GAA: variants seen among roughly 807,000 people sequenced by gnomAD.
The protein encoded by GAA is alpha glucosidase.
Under a neutral mutation model 103.9 loss-of-function variants are expected in GAA, and 88 were observed. The ratio of observed to expected loss-of-function variants is 0.85; its 90% CI spans 0.71 to 1.01. The LOEUF is 1.01. GAA is among the 50% of genes least tolerant of loss of function. The probability of loss-of-function intolerance (pLI) is 0.00; values close to 1 mark genes in which losing one functional copy is unlikely to be tolerated. For missense variants in GAA, 1,350 were observed against 1,305.3 expected (o/e 1.03, Z -0.53); for synonymous variants, 572 against 563.1 (o/e 1.02, Z -0.22).
intron 3 of GAA, among the ~76,000 whole-genome samples, chr17:80,106,519 G>A (rs1406975388): frequency 6.6e-6 from 1 of 152,072 alleles, no homozygotes; most frequent in Non-Finnish European, 1.5e-5. Flanking sequence ...TGCAGGAGTG[G>A]GGGGTGGGGA....
chr17:80,119,337 C>T lies in GAA; in HGVS notation c.*6C>T, dbSNP rs761918204. The T allele has an allele frequency of 6.2e-6, 10 of 1,612,784 alleles. No homozygotes were observed. Among genetic ancestry groups the T allele is most frequent in the Admixed American group, 1.7e-5 (1 of 59,986 alleles). On this transcript the variant is annotated 3_prime_UTR_variant, in exon 20 of 20. Transcript: ENST00000302262. ...TTCTCGTCAGCTGGTGTTAGCCGGG[C>T]GGAGTGTGTTAGTCTCTCCAGAGGG...
intron 15 of GAA, among the ~76,000 whole-genome samples, chr17:80,114,420 CT>C (rs11358043): frequency 0.11 from 15,702 of 137,052 alleles, 1,183 homozygotes; most frequent in East Asian, 0.31. Context: ...TGTCACTACA[CT>C]TTTTTTTTTT....
intron 11 of GAA, chr17:80,111,777 G>A (rs1021104441): frequency 2.0e-5 from 12 of 591,366 alleles, no homozygotes; most frequent in Non-Finnish European, 3.6e-5. Context: ...GCCCAGCCCT[G>A]TCTTAGAAGC....
intron 7 of GAA, 39 bp downstream of exon 7, chr17:80,108,646 C>T (rs778791685): frequency 1.1e-5 from 18 of 1,612,304 alleles, no homozygotes; most frequent in South Asian, 6.6e-5. Flanking sequence ...AGGGGCTGGC[C>T]GGGACGCGTC....
In GAA at chr17:80,113,255, A is replaced by G. The variant is rs779338215; in HGVS notation, c.2078A>G (p.Gln693Arg). 7.5e-6 allele frequency: 12 copies of G among 1,601,770 alleles called. No individual in the cohort carries two copies. In the East Asian group the frequency reaches 2.7e-4, roughly 36 times the overall value. The change falls in exon 15 of 20, where the codon CAG (glutamine) becomes CGG (arginine). Residue 693 changes from glutamine (Q) to arginine (R), a missense_variant. Coordinates refer to ENST00000302262, the MANE Select transcript of GAA (RefSeq NM_000152.5). ...EPYSFSEPAQQAMRKALTLRY... is the reference protein window; with the variant it reads ...EPYSFSEPAQRAMRKALTLRY... The stretch of plus-strand genomic sequence containing the variant: ...TACAGCTTCAGCGAGCCGGCCCAGC[A>G]GGCCATGAGGAAGGCCCTCACCCTG...
intron 15 of GAA, among the ~76,000 whole-genome samples, chr17:80,116,424 C>T (rs1435537837): frequency 2.0e-5 from 3 of 152,214 alleles, no homozygotes; most frequent in Non-Finnish European, 4.4e-5. Flanking sequence ...ACTGGATGCC[C>T]CCTGCACGTC....
At position 80,119,254 on chromosome 17, in the gene GAA, G is replaced by C; in HGVS notation, c.2800-18G>C. The C allele has an allele frequency of 6.2e-7, 1 of 1,613,490 alleles. No individual in the cohort carries two copies. The highest frequency in any genetic ancestry group is 2.2e-5 in the East Asian group (1 of 44,872). ...GCTGGGATCTCGGGCTGCTCCATTTGTGCTCTCTCTTTTCCAGGTCCTGGA... is the reference window on the plus strand; with the variant it reads ...GCTGGGATCTCGGGCTGCTCCATTTCTGCTCTCTCTTTTCCAGGTCCTGGA... On this transcript the variant is annotated intron_variant, in intron 19 of 19. Coordinates refer to ENST00000302262, the MANE Select transcript of GAA (RefSeq NM_000152.5).
rs962388095 is a variant in GAA, at chr17:80,112,267, G to A, written c.1754+167G>A. Reference sequence around the variant, plus strand: ...CCCGCTGCCTGCACCCCAGCCTGAAGCTGGAGCGCTCCTTCCCACTTCATG... The same window carrying A: ...CCCGCTGCCTGCACCCCAGCCTGAAACTGGAGCGCTCCTTCCCACTTCATG... On this transcript the variant is annotated intron_variant, in intron 12 of 19. Transcript: ENST00000302262. 5.2e-5 allele frequency: 37 copies of A among 715,722 alleles called. No homozygotes were observed. In the African/African-American group the frequency reaches 5.6e-4, roughly 11 times the overall value. The allele number at this position is 715,722 out of a possible 1,614,324, so 44.3% of individuals were successfully genotyped here. A position where few individuals can be genotyped will look rare whatever the true frequency, so the allele number is the denominator to read the frequency against.
In GAA at chr17:80,101,848, C is replaced by T. The variant is rs80020206; in HGVS notation, c.-75C>T. On this transcript the variant is annotated 5_prime_UTR_variant, in exon 1 of 20. Coordinates refer to ENST00000302262, the MANE Select transcript of GAA (RefSeq NM_000152.5). ...CGCCCGTTGTTCAGCGAGGGAGGCT[C>T]TGCGCGTGCCGCAGCTGACGGGGAA... 6.6e-6 allele frequency: 1 copy of T among 152,296 alleles called. No individual in the cohort carries two copies. The highest frequency in any genetic ancestry group is 2.4e-5 in the African/African-American group (1 of 41,442). The allele number at this position is 152,296 out of a possible 1,614,324, so 9.4% of individuals were successfully genotyped here. A position where few individuals can be genotyped will look rare whatever the true frequency, so the allele number is the denominator to read the frequency against.
intron 1 of GAA, among the ~76,000 whole-genome samples, chr17:80,103,742 G>C (rs1357463251): frequency 3.9e-5 from 6 of 152,176 alleles, no homozygotes; most frequent in Admixed American, 2.0e-4. Flanking sequence ...GGGGCCGGGA[G>C]GGGTTCTGAT....
rs565772949 is a variant in GAA at position 80,103,286 on chromosome 17, A to G, written c.-32-1269A>G. 2.4e-3 allele frequency among the ~76,000 whole-genome samples: 371 copies of G among 152,304 alleles called. 3 individuals carry two copies. Among genetic ancestry groups the G allele is most frequent in the African/African-American group, 8.5e-3 (353 of 41,558 alleles). Reference sequence around the variant, plus strand: ...GCCTCTGCTCCAAGGCCCGTTCCTCAGAGACGCAGACCCCTCTGATGGCTG... The same window carrying G: ...GCCTCTGCTCCAAGGCCCGTTCCTCGGAGACGCAGACCCCTCTGATGGCTG... On this transcript the variant is annotated intron_variant, in intron 1 of 19. Coordinates refer to ENST00000302262, the MANE Select transcript of GAA (RefSeq NM_000152.5).
In GAA at chr17:80,119,254, G is replaced by T. The variant is rs758087749; in HGVS notation, c.2800-18G>T. 1 of 1,613,490 alleles carries T rather than the reference G, an allele frequency of 6.2e-7. No homozygotes were observed. ...GCTGGGATCTCGGGCTGCTCCATTT[G>T]TGCTCTCTCTTTTCCAGGTCCTGGA... On this transcript the variant is annotated intron_variant, in intron 19 of 19. Transcript: ENST00000302262.
intron 3 of GAA, 124 bp downstream of exon 3, chr17:80,106,018 C>T (rs1293462015): frequency 9.7e-6 from 13 of 1,339,144 alleles, no homozygotes; most frequent in Middle Eastern, 2.7e-4. Context: ...GTTTCTCACA[C>T]GGCGGGGAGG....
In GAA at chr17:80,118,368, G is replaced by A. The variant is rs1219786295; in HGVS notation, c.2646+11G>A. Reference sequence around the variant, plus strand: ...TTCCTGGCCAGGAATGTGAGTCCTGGGGCTGCTCAGGCTGGTGGGCAGGGG... The same window carrying A: ...TTCCTGGCCAGGAATGTGAGTCCTGAGGCTGCTCAGGCTGGTGGGCAGGGG... On this transcript the variant is annotated intron_variant, in intron 18 of 19. Transcript: ENST00000302262. 5.8e-6 allele frequency: 9 copies of A among 1,560,856 alleles called. No individual in the cohort carries two copies. Among genetic ancestry groups the A allele is most frequent in the East Asian group, 4.5e-5 (2 of 44,426 alleles).
intron 19 of GAA, 76 bp downstream of exon 19, chr17:80,118,881 G>C (rs2039421008): frequency 2.6e-6 from 4 of 1,543,840 alleles, no homozygotes; most frequent in Non-Finnish European, 3.5e-6. Flanking sequence ...TGGGCGTCCT[G>C]GTGACCGATG....
rs1037679793 is a variant in GAA at position 80,107,885 on chromosome 17, G to C, written c.944G>C (p.Ser315Thr). ...GSAHGVFLLN[S>T]NAMDVVLQPS... is the part of the protein sequence containing the mutation. ...GCACACGGGGTGTTCCTGCTAAACA[G>C]CAATGCCATGGGTAAGCTGCCCGCC... The change falls in exon 5 of 20, where the codon AGC (serine) becomes ACC (threonine). Residue 315 changes from serine (S) to threonine (T), a missense_variant. Physicochemically the swap from Ser to Thr is moderately conservative, Grantham distance 58. Coordinates refer to ENST00000302262, the MANE Select transcript of GAA (RefSeq NM_000152.5). 6.2e-7 allele frequency: 1 copy of C among 1,610,428 alleles called. No homozygotes were observed. Among genetic ancestry groups the C allele is most frequent in the South Asian group, 1.1e-5 (1 of 90,798 alleles).
chr17:80,104,061 C>G lies in GAA; in HGVS notation c.-32-494C>G, dbSNP rs140325572. 0.02 allele frequency among the ~76,000 whole-genome samples: 2,983 copies of G among 152,208 alleles called. 100 individuals carry two copies. The highest frequency in any genetic ancestry group is 0.068 in the African/African-American group (2,831 of 41,514). Reference sequence around the variant, plus strand: ...GGTGGATCACTTGAGCTCAGGAGTTCGAGACCAGCCTGGGTAACATGGCAA... The same window carrying G: ...GGTGGATCACTTGAGCTCAGGAGTTGGAGACCAGCCTGGGTAACATGGCAA... On this transcript the variant is annotated intron_variant, in intron 1 of 19. Coordinates refer to ENST00000302262, the MANE Select transcript of GAA (RefSeq NM_000152.5). This position sits in a 1 kb window ranked among gnomAD's most constrained non-coding sequence, Gnocchi z 4.0.
intron 1 of GAA, chr17:80,102,553 C>G (rs1319220923): frequency 1.3e-5 from 2 of 152,170 alleles, no homozygotes; most frequent in Non-Finnish European, 2.9e-5. Flanking sequence ...AATGGAACCC[C>G]GTAAGAAACC....
chr17:80,112,137 C>T, intron 12 of GAA, 37 bp downstream of exon 12: 1 of 1,576,524 alleles, frequency 6.3e-7, no homozygotes. Context: ...GCTCTGCCCT[C>T]ACAGCCTGTC....
Sources: allele counts gnomAD v4.1 joint callset (sites outside exome capture counted in the v4.1 genomes callset), GRCh38; gene constraint gnomAD v4.1.1; non-coding constraint Gnocchi (gnomAD v3.1); transcripts MANE v1.5; gene names NCBI Gene and HGNC (gene_info 2026-07-23, HGNC 2026-07-21).